CHAT: variants seen among roughly 807,000 people sequenced by gnomAD.
CHAT encodes choline O-acetyltransferase.
Under a neutral mutation model 76.9 loss-of-function variants are expected in CHAT, and 61 were observed. The ratio of observed to expected loss-of-function variants is 0.79; its 90% confidence interval spans 0.65 to 0.98. The LOEUF (loss-of-function observed/expected upper bound fraction) is 0.98, where lower values mean the gene tolerates loss of function less well. Ranked by LOEUF, CHAT falls within the 50% of genes least tolerant of loss-of-function variation. CHAT has a pLI of 0.00. For synonymous variants in CHAT, 407 were observed against 397.4 expected (o/e 1.02, Z -0.29); for missense variants, 946 against 986.9 (o/e 0.96, Z 0.56).
intron 7 of CHAT, among the ~76,000 whole-genome samples, chr10:49,633,233 C>T (rs908467075): frequency 2.6e-5 from 4 of 152,178 alleles, no homozygotes; most frequent in African/African-American, 9.7e-5. Flanking sequence ...AGTGCTTTTC[C>T]AGAGGGACAG....
chr10:49,662,865 G>T lies in CHAT; in HGVS notation c.1977+83G>T, dbSNP rs768768754. ...GCAGTGACAACAAGCCCACTAGCTG[G>T]AATCAGGCAAATCCTGCCTCTGCTT... On this transcript the variant is annotated intron_variant, in intron 14 of 14. Transcript: ENST00000337653. 1.7e-5 allele frequency: 26 copies of T among 1,547,142 alleles called. No individual in the cohort carries two copies. The East Asian group carries it at 5.4e-4, about 32-fold the overall frequency.
chr10:49,625,534 C>A lies in CHAT; in HGVS notation c.814C>A (p.Gln272Lys). Residue 272 changes from glutamine to lysine, a missense_variant, in exon 6 of 15, where the codon CAA becomes AAA. Coordinates refer to ENST00000337653, the MANE Select transcript of CHAT (RefSeq NM_020549.5). ...GTCAGGGCAGCCCCTTTGCATGAAG[C>A]AATACTATGGGCTCTTCTCCTCCTA... ...QLSGQPLCMK[Q>K]YYGLFSSYRL... is the part of the protein sequence containing the mutation. 28 of 1,613,762 alleles carry A rather than the reference C, an allele frequency of 1.7e-5. No individual in the cohort carries two copies. The highest frequency in any genetic ancestry group is 2.4e-5 in the Non-Finnish European group (28 of 1,180,010).
rs1840006511 is a variant in CHAT at position 49,655,451 on chromosome 10, G to A, written c.1839+3G>A. 2 of 1,613,580 alleles carry A rather than the reference G, an allele frequency of 1.2e-6. No individual in the cohort carries two copies. Among genetic ancestry groups the A allele is most frequent in the Non-Finnish European group, 1.7e-6 (2 of 1,179,660 alleles). ...CCCAGACTGCATACACAGTCATGGT[G>A]AGTGACGTCGCACCACCTCACAACA... On this transcript the variant is annotated splice_donor_region_variant and intron_variant, in intron 13 of 14. Transcript: ENST00000337653.
At position 49,646,687 on chromosome 10, in the gene CHAT, G is replaced by A; in HGVS notation, c.1281+13G>A. ...CAAGTCCCTGCAGGTAAGCCGTCCA[G>A]GTGGCCCTGCAAGAGCACAGCCATG... On this transcript the variant is annotated intron_variant, in intron 8 of 14. Coordinates refer to ENST00000337653, the MANE Select transcript of CHAT (RefSeq NM_020549.5). The A allele has an allele frequency of 6.2e-7, 1 of 1,612,606 alleles. No homozygotes were observed. Among genetic ancestry groups the A allele is most frequent in the Non-Finnish European group, 8.5e-7 (1 of 1,179,844 alleles).
chr10:49,637,082 T>C lies in CHAT; in HGVS notation c.1111+9297T>C, dbSNP rs970681646. Among the ~76,000 whole-genome samples, 37 of 152,106 alleles carry C rather than the reference T, an allele frequency of 2.4e-4. 3 individuals are homozygous for C. ...TCTCTCTATGAATTTGATTGATCTTTTAAAATAACTACCTTTCTTTTTGTT... is the reference window on the plus strand; with the variant it reads ...TCTCTCTATGAATTTGATTGATCTTCTAAAATAACTACCTTTCTTTTTGTT... On this transcript the variant is annotated intron_variant, in intron 7 of 14. Transcript: ENST00000337653.
intron 7 of CHAT, among the ~76,000 whole-genome samples, chr10:49,643,953 C>T (rs1331209552): frequency 1.3e-5 from 2 of 152,216 alleles, no homozygotes; most frequent in East Asian, 3.9e-4. Flanking sequence ...GCACGGTGGT[C>T]TGGGAATGGC....
intron 6 of CHAT, among the ~76,000 whole-genome samples, 197 bp downstream of exon 6, chr10:49,625,850 G>A (rs537767364): frequency 4.5e-4 from 69 of 152,314 alleles, no homozygotes; most frequent in African/African-American, 1.6e-3. Flanking sequence ...AAGAATGAGA[G>A]CCGTCAGTTT....
At chr10:49,649,866 ATTTTTTTTTTTTTTT>A (rs59979541) in intron 10 of CHAT, among the ~76,000 whole-genome samples, 3 of 117,814 alleles carry the variant, frequency 2.5e-5, no homozygotes, top group Non-Finnish European at 3.2e-5. Flanking sequence ...ACGCAGGGCT[ATTTTTTTTTTTTTTT>A]TTTTTTTTTT....
In CHAT at chr10:49,614,084, C is replaced by G. The variant is rs1214109220; in HGVS notation, c.-106C>G. ...GGCATGGGCGGGACAGTGTTCTGTG[C>G]CCCCTTCTAGAGCCTAAATTTGTTG... On this transcript the variant is annotated 5_prime_UTR_variant, in exon 1 of 15. Coordinates refer to ENST00000337653, the MANE Select transcript of CHAT (RefSeq NM_020549.5). The G allele has an allele frequency of 1.3e-6, 2 of 1,539,414 alleles. No homozygotes were observed. Among genetic ancestry groups the G allele is most frequent in the East Asian group, 2.4e-5 (1 of 40,878 alleles).
chr10:49,610,573 T>A (rs1051902191), upstream of CHAT: 1 of 605,360 alleles, frequency 1.7e-6, no homozygotes, highest in Admixed American at 3.8e-5. Context: ...ACGGAGTCCT[T>A]TCCTTTCCCG....
chr10:49,647,597 C>G (rs1486909523), intron 8 of CHAT, among the ~76,000 whole-genome samples: 1 of 152,220 alleles, frequency 6.6e-6, no homozygotes, highest in East Asian at 1.9e-4. Context: ...CTGATGCGCT[C>G]TCCAGCTGCT....
intron 7 of CHAT, among the ~76,000 whole-genome samples, chr10:49,632,779 C>G (rs1180040361): frequency 6.6e-6 from 1 of 152,214 alleles, no homozygotes; most frequent in Non-Finnish European, 1.5e-5. Flanking sequence ...TCCTGTGAGC[C>G]CCAGGCTGCT....
chr10:49,620,726 G>C, intron 4 of CHAT, 113 bp downstream of exon 4: 2 of 837,958 alleles, frequency 2.4e-6, no homozygotes, highest in Non-Finnish European at 4.1e-6. Context: ...AGCTTCCTGG[G>C]GTCAAATGCC....
intron 8 of CHAT, 136 bp downstream of exon 8, chr10:49,646,810 T>A: frequency 9.9e-7 from 1 of 1,005,174 alleles, no homozygotes; most frequent in Non-Finnish European, 1.5e-6. Context: ...TTCTGCTGCC[T>A]AAGAGGCTGG....
At chr10:49,663,896 C>A (rs577086248) in intron 14 of CHAT, among the ~76,000 whole-genome samples, 35 of 152,290 alleles carry the variant, frequency 2.3e-4, no homozygotes, top group Non-Finnish European at 3.8e-4. Context: ...GGCTATTGCA[C>A]GGCAAATTTA....
intron 7 of CHAT, among the ~76,000 whole-genome samples, chr10:49,638,070 A>C (rs1467821838): frequency 6.6e-6 from 1 of 152,140 alleles, no homozygotes; most frequent in Non-Finnish European, 1.5e-5. Context: ...GGATTTGGCT[A>C]TTTCTCCTTT....
intron 7 of CHAT, among the ~76,000 whole-genome samples, chr10:49,634,154 G>T (rs1034112288): frequency 1.3e-5 from 2 of 152,220 alleles, no homozygotes; most frequent in African/African-American, 4.8e-5. Flanking sequence ...GAGAATGAAG[G>T]CCTTTAGGGA....
chr10:49,662,687 C>T lies in CHAT; in HGVS notation c.1882C>T (p.Arg628Trp), dbSNP rs116097791. 2.2e-5 allele frequency: 35 copies of T among 1,614,082 alleles called. No individual in the cohort carries two copies. The highest frequency in any genetic ancestry group is 7.7e-5 in the South Asian group (7 of 91,088). Residue 628 changes from arginine to tryptophan, a missense_variant, in exon 14 of 15, where the codon CGG (arginine) becomes TGG (tryptophan). Physicochemically the swap from Arg to Trp is moderately radical, Grantham distance 101. This residue lies in a region of CHAT where 349 missense variants were observed against 393.9 expected (regional missense o/e 0.89). Transcript: ENST00000337653. ...MAIDNHLLAL[R>W]ELARAMCKEL... Reference sequence around the variant, plus strand: ...CATTGACAACCACCTGCTGGCACTGCGGGAGCTGGCCCGGGCCATGTGCAA... The same window carrying T: ...CATTGACAACCACCTGCTGGCACTGTGGGAGCTGGCCCGGGCCATGTGCAA...
chr10:49,622,231 C>A, intron 5 of CHAT, 81 bp downstream of exon 5: 1 of 1,445,162 alleles, frequency 6.9e-7, no homozygotes, highest in Non-Finnish European at 9.7e-7. Context: ...TGTCTTTTTC[C>A]AGCTCTGTAT....
Sources: allele counts gnomAD v4.1 joint callset (sites outside exome capture counted in the v4.1 genomes callset), GRCh38; gene constraint gnomAD v4.1.1; regional missense constraint gnomAD v4.1.1; transcripts MANE v1.5; gene names NCBI Gene and HGNC (gene_info 2026-07-23, HGNC 2026-07-21).